The following MSI2 variants were observed in gnomAD, a reference collection of about 807,000 sequenced individuals.
MSI2 encodes RNA-binding protein Musashi homolog 2.
In MSI2, 17 loss-of-function variants were observed where a neutral mutation model predicts 45.6. That is an observed-to-expected ratio of 0.37 (90% CI 0.26 to 0.56). The LOEUF (loss-of-function observed/expected upper bound fraction) is 0.56. Among genes scored for constraint, MSI2 ranks in the 20% least tolerant of loss-of-function variants. The pLI is 0.77. For synonymous variants in MSI2, 156 were observed against 158.2 expected (o/e 0.99, Z 0.11); for missense variants, 293 against 444.2 (o/e 0.66, Z 3.06).
intron 5 of MSI2, among the ~76,000 whole-genome samples, chr17:57,298,619 C>G (rs562865880): frequency 1.3e-5 from 2 of 152,252 alleles, no homozygotes; most frequent in African/African-American, 2.4e-5. Flanking sequence ...CGAGATTGCA[C>G]CGTTGCATTC....
intron 6 of MSI2, among the ~76,000 whole-genome samples, chr17:57,479,962 A>G (rs930693503): frequency 3.3e-5 from 5 of 152,188 alleles, no homozygotes; most frequent in African/African-American, 9.7e-5. Context: ...TCTACTTCAC[A>G]TTACCAACTC....
chr17:57,415,095 G>A (rs2084268911), intron 6 of MSI2, among the ~76,000 whole-genome samples: 1 of 152,158 alleles, frequency 6.6e-6, no homozygotes, highest in South Asian at 2.1e-4. Flanking sequence ...GACGGTGAGA[G>A]CGTTGACTCA....
chr17:57,561,847 G>A (rs1376819143), intron 7 of MSI2, among the ~76,000 whole-genome samples: 1 of 152,160 alleles, frequency 6.6e-6, no homozygotes, highest in East Asian at 1.9e-4. Flanking sequence ...GGTGGCAGTG[G>A]CCCCATTTTA....
chr17:57,691,200 C>CATCT, the MSI2 span, among the ~76,000 whole-genome samples: 7,409 of 140,170 alleles, frequency 0.053, 317 homozygotes, highest in African/African-American at 0.098. Context: ...CTCTCTCTCT[C>CATCT]ATCTATCTAT....
chr17:57,330,398 C>T (rs1914145442), intron 5 of MSI2, among the ~76,000 whole-genome samples: 2 of 151,786 alleles, frequency 1.3e-5, no homozygotes, highest in Admixed American at 6.6e-5. Flanking sequence ...GATTCTCCTG[C>T]CTCAGCCTCC....
chr17:57,406,669 C>T (rs1460060224), intron 6 of MSI2: 2 of 148,454 alleles, frequency 1.3e-5, no homozygotes, highest in South Asian at 2.4e-4. Flanking sequence ...TTATCCTAAT[C>T]GGCTTTGGCT....
intron 11 of MSI2, among the ~76,000 whole-genome samples, chr17:57,671,320 C>G (rs576672699): frequency 2.7e-4 from 41 of 152,198 alleles, no homozygotes; most frequent in Non-Finnish European, 5.1e-4. Context: ...TTATAAACCT[C>G]AGCACTGTTT....
At chr17:57,385,852 T>C (rs2083677115) in intron 5 of MSI2, among the ~76,000 whole-genome samples, 1 of 152,238 alleles carries the variant, frequency 6.6e-6, no homozygotes, top group Admixed American at 6.5e-5. Context: ...ACCATTTTAT[T>C]ACACCTGTCT....
chr17:57,569,093 T>C (rs1598408778), intron 7 of MSI2, among the ~76,000 whole-genome samples: 1 of 147,514 alleles, frequency 6.8e-6, no homozygotes, highest in African/African-American at 2.5e-5. Context: ...GGTGGGGAGG[T>C]GAATGGGGTG....
At chr17:57,287,298 G>C (rs569305391) in intron 5 of MSI2, among the ~76,000 whole-genome samples, 2 of 152,128 alleles carry the variant, frequency 1.3e-5, no homozygotes, top group Admixed American at 1.3e-4. Context: ...TGGCGAGGCT[G>C]TCCTGTGTGT....
chr17:57,686,379 AAAAT>A (rs529031759), downstream of MSI2, among the ~76,000 whole-genome samples: 22 of 152,374 alleles, frequency 1.4e-4, no homozygotes, highest in East Asian at 2.1e-3. Flanking sequence ...ACAACAATGT[AAAAT>A]AAATAACACA....
At chr17:57,327,676 T>C (rs1913917056) in intron 5 of MSI2, among the ~76,000 whole-genome samples, 1 of 152,162 alleles carries the variant, frequency 6.6e-6, no homozygotes, top group Non-Finnish European at 1.5e-5. Flanking sequence ...TTTCACCAGT[T>C]AGTGTGATGA....
intron 6 of MSI2, among the ~76,000 whole-genome samples, chr17:57,459,344 G>T (rs543894045): frequency 6.6e-6 from 1 of 152,190 alleles, no homozygotes; most frequent in African/African-American, 2.4e-5. Context: ...CCGCACGGGG[G>T]CATTGTCCTC....
chr17:57,545,745 T>TTTA (rs1166611090), intron 7 of MSI2, among the ~76,000 whole-genome samples: 1 of 152,166 alleles, frequency 6.6e-6, no homozygotes, highest in African/African-American at 2.4e-5. Flanking sequence ...GACTGGTGCT[T>TTTA]TTATTATTAT....
intron 5 of MSI2, among the ~76,000 whole-genome samples, chr17:57,392,151 A>G (rs1221053124): frequency 6.6e-6 from 1 of 152,200 alleles, no homozygotes; most frequent in African/African-American, 2.4e-5. Context: ...GTGCTTTCCA[A>G]GGCAGCCCTC....
chr17:57,634,137 A>G (rs1909646606), intron 10 of MSI2, among the ~76,000 whole-genome samples: 1 of 152,206 alleles, frequency 6.6e-6, no homozygotes, highest in Non-Finnish European at 1.5e-5. Context: ...GATAAGACCA[A>G]TTGAACATCA....
chr17:57,594,740 G>A (rs988281001), intron 7 of MSI2, among the ~76,000 whole-genome samples: 5 of 152,218 alleles, frequency 3.3e-5, no homozygotes, highest in Admixed American at 1.3e-4. Flanking sequence ...CACGTATCCT[G>A]TCGGATGTCT....
At chr17:57,388,150 C>T (rs935052298) in intron 5 of MSI2, among the ~76,000 whole-genome samples, 9 of 152,100 alleles carry the variant, frequency 5.9e-5, no homozygotes, top group Non-Finnish European at 1.3e-4. Flanking sequence ...ATCTTCCGTC[C>T]TTAGAGGGTT....
chr17:57,388,517 A>C (rs922776794), intron 5 of MSI2, among the ~76,000 whole-genome samples: 1 of 152,112 alleles, frequency 6.6e-6, no homozygotes, highest in Non-Finnish European at 1.5e-5. Flanking sequence ...GGGGGAGCTA[A>C]TCCTAGCCCG....
Sources: gnomAD v4.1 joint callset for allele counts (sites outside exome capture counted in the v4.1 genomes callset) on GRCh38, gnomAD v4.1.1 for gene constraint, MANE v1.5 for transcripts, NCBI Gene and HGNC (gene_info 2026-07-23, HGNC 2026-07-21) for gene names.